P2RY12: variants seen among roughly 807,000 people sequenced by gnomAD.
The protein encoded by P2RY12 is purinergic receptor P2Y12, also known as P2Y purinoceptor 12.
P2RY12 carries 3 observed loss-of-function variants against 4.5 expected under a neutral mutation model. That is an observed-to-expected ratio of 0.67 (90% CI 0.31 to 1.74). The LOEUF is 1.74. Among genes scored for constraint, P2RY12 ranks in the 40% most tolerant of loss-of-function variants. The pLI, the probability that P2RY12 is intolerant of heterozygous loss-of-function variation, is 0.09. For synonymous variants in P2RY12, 148 were observed against 154.1 expected (o/e 0.96, Z 0.29); for missense variants, 356 against 407.8 (o/e 0.87, Z 1.09).
chr3:151,368,760 A>AT (rs201834162), intron 1 of P2RY12, among the ~76,000 whole-genome samples: 62 of 80,280 alleles, frequency 7.7e-4, no homozygotes, highest in South Asian at 2.4e-3. Context: ...ATGTCATTTC[A>AT]TTTTTTTTTT....
intron 1 of P2RY12, among the ~76,000 whole-genome samples, chr3:151,355,706 T>A (rs1230146053): frequency 1.3e-5 from 2 of 152,248 alleles, no homozygotes; most frequent in African/African-American, 4.8e-5. Context: ...TTGTATTTTT[T>A]AAAATTGTAG....
At chr3:151,377,082 A>G (rs1252440308) in intron 1 of P2RY12, 10 of 1,614,086 alleles carry the variant, frequency 6.2e-6, no homozygotes, top group Non-Finnish European at 8.5e-6. Context: ...GACCTAAATA[A>G]TTCTTCTAAT....
chr3:151,338,677 A>G lies in P2RY12; in HGVS notation c.169T>C (p.Ser57Pro). The G allele has an allele frequency of 6.2e-7, 1 of 1,613,726 alleles. No individual in the cohort carries two copies. Among genetic ancestry groups the G allele is most frequent in the Non-Finnish European group, 8.5e-7 (1 of 1,179,884 alleles). ...TTCTTAAGAAAAATAATAAAGTTTG[A>G]TTTACTCCGGATTTGAAAGAAAATC... Reference protein sequence around the residue: ...MRIFFQIRSKSNFIIFLKNTV... With the variant: ...MRIFFQIRSKPNFIIFLKNTV... Residue 57 changes from serine (S) to proline (P), a missense_variant, in exon 3 of 3, where the codon TCA (serine) becomes CCA (proline). Physicochemically the swap from Ser to Pro is moderately conservative, Grantham distance 74. Coordinates refer to ENST00000302632, the MANE Select transcript of P2RY12 (RefSeq NM_022788.5).
chr3:151,365,713 C>A, intron 1 of P2RY12: 1 of 760,234 alleles, frequency 1.3e-6, no homozygotes, highest in Non-Finnish European at 2.0e-6. Flanking sequence ...AGTTATTTGA[C>A]AAATGAGTAT....
chr3:151,358,185 T>C (rs1015948778), intron 1 of P2RY12, among the ~76,000 whole-genome samples: 5 of 152,154 alleles, frequency 3.3e-5, no homozygotes, highest in African/African-American at 1.2e-4. Context: ...GTAGCTATTC[T>C]GGGAAAGAGG....
At chr3:151,358,562 T>A (rs1754218354) in intron 1 of P2RY12, among the ~76,000 whole-genome samples, 1 of 151,364 alleles carries the variant, frequency 6.6e-6, no homozygotes, top group South Asian at 2.1e-4. Flanking sequence ...TTGTGACAAG[T>A]TTTTTTGTTT....
intron 1 of P2RY12, chr3:151,366,142 T>G: frequency 1.7e-6 from 1 of 601,936 alleles, no homozygotes; most frequent in South Asian, 4.6e-5. Flanking sequence ...TAAACCACAA[T>G]GACATTGCCA....
intron 1 of P2RY12, among the ~76,000 whole-genome samples, chr3:151,352,655 T>C (rs1753380551): frequency 6.6e-6 from 1 of 151,970 alleles, no homozygotes; most frequent in Non-Finnish European, 1.5e-5. Flanking sequence ...CATTTAGGAG[T>C]GTTGTCAGAT....
At chr3:151,374,694 C>T (rs1341847660) in intron 1 of P2RY12, among the ~76,000 whole-genome samples, 1 of 152,152 alleles carries the variant, frequency 6.6e-6, no homozygotes, top group Non-Finnish European at 1.5e-5. Context: ...GAACTTTTCC[C>T]ATCCCTATGA....
intron 1 of P2RY12, among the ~76,000 whole-genome samples, chr3:151,369,004 A>G (rs1018859427): frequency 3.3e-5 from 5 of 151,876 alleles, no homozygotes; most frequent in Non-Finnish European, 5.9e-5. Flanking sequence ...CTCGTGATCC[A>G]CCTGCCTCGG....
intron 1 of P2RY12, chr3:151,383,877 G>A: frequency 6.2e-7 from 1 of 1,612,538 alleles, no homozygotes; most frequent in Non-Finnish European, 8.5e-7. Flanking sequence ...CTGTTGACAT[G>A]CACACTAACA....
intron 1 of P2RY12, chr3:151,376,693 G>C (rs886818677): frequency 7.8e-6 from 7 of 897,938 alleles, no homozygotes; most frequent in Non-Finnish European, 1.1e-5. Context: ...TTATTTCATT[G>C]TGTATGATTA....
intron 1 of P2RY12, chr3:151,367,568 G>A: frequency 3.0e-6 from 4 of 1,332,554 alleles, no homozygotes; most frequent in Non-Finnish European, 4.1e-6. Context: ...GGTATTGCCT[G>A]CATTCTCTTA....
chr3:151,341,023 A>C (rs1393460217), intron 1 of P2RY12, among the ~76,000 whole-genome samples: 1 of 152,170 alleles, frequency 6.6e-6, no homozygotes, highest in Non-Finnish European at 1.5e-5. Context: ...TATGCAAATG[A>C]TAAATCCAAG....
rs775057040 is a variant in P2RY12, at chr3:151,366,043, TAGTG to T, written c.-180+18645_-180+18648del. On this transcript the variant is annotated intron_variant, in intron 1 of 2. Transcript: ENST00000302632. ...TGAACTGTGCAATTAAATATTTAGT[TAGTG>T]GGTAATCTTTTTGCTTTTGGCTTTT... 1.2e-5 allele frequency: 16 copies of T among 1,378,134 alleles called. No individual in the cohort carries two copies. The East Asian group carries it at 1.5e-4, about 13-fold the overall frequency. The allele number at this position is 1,378,134 out of a possible 1,614,324, so 85.4% of individuals were successfully genotyped here. A position where few individuals can be genotyped will look rare whatever the true frequency, so the allele number is the denominator to read the frequency against.
chr3:151,336,993 C>T lies in P2RY12; in HGVS notation c.*824G>A, dbSNP rs1240706057. 4 of 152,088 alleles carry T rather than the reference C, an allele frequency of 2.6e-5. No individual in the cohort carries two copies. The highest frequency in any genetic ancestry group is 7.3e-5 in the African/African-American group (3 of 41,360). The allele number at this position is 152,088 out of a possible 1,614,324, so 9.4% of individuals were successfully genotyped here. A position where few individuals can be genotyped will look rare whatever the true frequency, so the allele number is the denominator to read the frequency against. On this transcript the variant is annotated 3_prime_UTR_variant, in exon 3 of 3. Transcript: ENST00000302632. ...ATTTTTTTCACTAAGGTAAAATGTT[C>T]ATTAACCTAATTAGCAGCTATTTTC... is the stretch of plus-strand genomic sequence containing the variant.
At chr3:151,371,424 T>A (rs1414722032) in intron 1 of P2RY12, among the ~76,000 whole-genome samples, 2 of 152,212 alleles carry the variant, frequency 1.3e-5, no homozygotes, top group East Asian at 3.8e-4. Context: ...TGAAATCCTG[T>A]GGGTAAAGTG....
chr3:151,383,984 G>A (rs1429889193), intron 1 of P2RY12: 7 of 1,483,906 alleles, frequency 4.7e-6, no homozygotes, highest in South Asian at 1.2e-5. Context: ...TTATTTACTT[G>A]GATGCTATTA....
At chr3:151,374,915 T>A (rs1221039876) in intron 1 of P2RY12, among the ~76,000 whole-genome samples, 1 of 152,224 alleles carries the variant, frequency 6.6e-6, no homozygotes, top group Non-Finnish European at 1.5e-5. Flanking sequence ...CCCATATATT[T>A]GTTTTAAAAG....
Sources: allele counts gnomAD v4.1 joint callset (sites outside exome capture counted in the v4.1 genomes callset), GRCh38; gene constraint gnomAD v4.1.1; transcripts MANE v1.5; gene names NCBI Gene and HGNC (gene_info 2026-07-23, HGNC 2026-07-21).